STXBP5: variants seen among roughly 807,000 people sequenced by gnomAD.
STXBP5 encodes the protein syntaxin binding protein 5.
In STXBP5, 50 loss-of-function variants were observed where a neutral mutation model predicts 152.4. That is an observed-to-expected ratio of 0.33 (90% confidence interval 0.26 to 0.42). The LOEUF (loss-of-function observed/expected upper bound fraction) is 0.42. Ranked by LOEUF, STXBP5 falls within the 10% of genes least tolerant of loss-of-function variation. The pLI is 1.00. For missense variants in STXBP5, 1,167 were observed against 1,388.6 expected (o/e 0.84, Z 2.54); for synonymous variants, 492 against 494.7 (o/e 0.99, Z 0.07).
chr6:147,354,805 G>T (rs1784744353), intron 22 of STXBP5, among the ~76,000 whole-genome samples: 1 of 152,088 alleles, frequency 6.6e-6, no homozygotes, highest in Admixed American at 6.6e-5. Flanking sequence ...GCCCATGTAT[G>T]CCCTAAGCCA....
intron 2 of STXBP5, among the ~76,000 whole-genome samples, chr6:147,229,295 T>TA (rs1562423416): frequency 6.6e-6 from 1 of 152,070 alleles, no homozygotes; most frequent in East Asian, 1.9e-4. Context: ...GCCTTTTTTT[T>TA]ATTACCTATT....
chr6:147,327,202 T>G lies in STXBP5; in HGVS notation c.2006T>G (p.Ile669Ser), dbSNP rs201635755. 6.2e-7 allele frequency: 1 copy of G among 1,614,150 alleles called. No individual in the cohort carries two copies. Among genetic ancestry groups the G allele is most frequent in the East Asian group, 2.2e-5 (1 of 44,864 alleles). Residue 669 changes from isoleucine (I) to serine (S), a missense_variant, in exon 18 of 28, where the codon ATT (isoleucine) becomes AGT (serine). Ile to Ser is a moderately radical substitution (Grantham distance 142). Coordinates refer to ENST00000321680, the MANE Select transcript of STXBP5 (RefSeq NM_001127715.4). ...GCAGTGCTGCTCAACCTGGGCACTA[T>G]TGAATTATATGGCTCTAATGATCCT... The part of the protein sequence containing the change: ...QKAVLLNLGT[I>S]ELYGSNDPYR...
intron 22 of STXBP5, among the ~76,000 whole-genome samples, chr6:147,355,411 G>A (rs1484059275): frequency 3.9e-5 from 6 of 152,122 alleles, no homozygotes; most frequent in Non-Finnish European, 8.8e-5. Context: ...TGGCATGATT[G>A]TATCAGGTGC....
chr6:147,315,553 G>C lies in STXBP5; in HGVS notation c.1441G>C (p.Val481Leu). ...QVLYKLKTSK[V>L]FEKSRNKDDR... ...ATTATATAAGCTAAAGACATCTAAAGTATTTGAAAAGTCAAGAAATAAAGA... is the reference window on the plus strand; with the variant it reads ...ATTATATAAGCTAAAGACATCTAAACTATTTGAAAAGTCAAGAAATAAAGA... The change falls in exon 15 of 28, where the codon GTA becomes CTA. Residue 481 changes from valine (V) to leucine (L), a missense_variant. Physicochemically the swap from Val to Leu is conservative, Grantham distance 32. Around this residue, in one of 3 missense-constraint regions of STXBP5, gnomAD observed 833 missense variants for 986.3 expected, o/e 0.84. Coordinates refer to ENST00000321680, the MANE Select transcript of STXBP5 (RefSeq NM_001127715.4). The C allele has an allele frequency of 6.2e-7, 1 of 1,613,308 alleles. No individual in the cohort carries two copies. Among genetic ancestry groups the C allele is most frequent in the Non-Finnish European group, 8.5e-7 (1 of 1,179,528 alleles).
At chr6:147,369,261 A>T (rs1008564061) in intron 25 of STXBP5, among the ~76,000 whole-genome samples, 2 of 152,032 alleles carry the variant, frequency 1.3e-5, no homozygotes. Flanking sequence ...ACTATTGGAT[A>T]TTAAAATGCA....
rs1330033202 is a variant in STXBP5, at chr6:147,359,765, C to T, written c.2545+442C>T. Among the ~76,000 whole-genome samples, 4 of 151,868 alleles carry T rather than the reference C, an allele frequency of 2.6e-5. No individual in the cohort carries two copies. In the East Asian group the frequency reaches 7.8e-4, roughly 29 times the overall value. Reference sequence around the variant, plus strand: ...AGAGAATGATGATTTCCAATTTCATCCATGTCCCTACAAAGGACATGAACT... The same window carrying T: ...AGAGAATGATGATTTCCAATTTCATTCATGTCCCTACAAAGGACATGAACT... On this transcript the variant is annotated intron_variant, in intron 23 of 27. Coordinates refer to ENST00000321680, the MANE Select transcript of STXBP5 (RefSeq NM_001127715.4).
At chr6:147,329,777 T>C (rs1467551838) in intron 18 of STXBP5, among the ~76,000 whole-genome samples, 3 of 151,788 alleles carry the variant, frequency 2.0e-5, no homozygotes, top group African/African-American at 4.8e-5. Context: ...AGGCGCCCGC[T>C]ACCGCACCCG....
intron 21 of STXBP5, among the ~76,000 whole-genome samples, chr6:147,341,626 T>TA (rs952111301): frequency 3.3e-5 from 5 of 152,106 alleles, no homozygotes; most frequent in Non-Finnish European, 7.4e-5. Context: ...CCCTGAGTTT[T>TA]ACCTGTTCTT....
At chr6:147,357,746 G>C (rs1355066996) in intron 22 of STXBP5, among the ~76,000 whole-genome samples, 1 of 152,058 alleles carries the variant, frequency 6.6e-6, no homozygotes, top group Non-Finnish European at 1.5e-5. Context: ...CAAATGAAAA[G>C]GAGAAACCCA....
chr6:147,341,892 C>T (rs896771128), intron 21 of STXBP5, among the ~76,000 whole-genome samples: 1 of 152,002 alleles, frequency 6.6e-6, no homozygotes, highest in Non-Finnish European at 1.5e-5. Context: ...TAATTTTTCT[C>T]AATCCACACA....
chr6:147,219,800 T>G (rs1439663709), intron 2 of STXBP5, among the ~76,000 whole-genome samples: 1 of 47,088 alleles, frequency 2.1e-5, no homozygotes, highest in Non-Finnish European at 4.4e-5. Context: ...TAGAAGCTTG[T>G]TTTTTTTTTT....
At chr6:147,379,581 T>C (rs1785977969) in intron 26 of STXBP5, among the ~76,000 whole-genome samples, 1 of 152,166 alleles carries the variant, frequency 6.6e-6, no homozygotes. Flanking sequence ...ATTCTAAATT[T>C]TATATGCATA....
At chr6:147,269,677 A>T (rs1057350054) in intron 7 of STXBP5, among the ~76,000 whole-genome samples, 2 of 152,180 alleles carry the variant, frequency 1.3e-5, no homozygotes, top group East Asian at 3.9e-4. Flanking sequence ...CAAAAATCAC[A>T]CAAGTGGATT....
intron 7 of STXBP5, among the ~76,000 whole-genome samples, chr6:147,267,539 A>G (rs1779952372): frequency 6.6e-6 from 1 of 152,174 alleles, no homozygotes. Context: ...TGTGATTGAC[A>G]GATAAGTCTT....
intron 27 of STXBP5, among the ~76,000 whole-genome samples, chr6:147,384,428 G>A (rs139184902): frequency 5.1e-4 from 78 of 152,166 alleles, no homozygotes; most frequent in African/African-American, 1.8e-3. Context: ...TTAATTCATA[G>A]TACAAAATAA....
Position 147,363,262 on chromosome 6 carries a change from TCAA to T in STXBP5, c.2546-72_2546-70del. ...CATATATTTAAGTATCTACTGTATG[TCAA>T]AGTTAGAATAAACGTGTTTACTCTG... On this transcript the variant is annotated intron_variant, in intron 23 of 27. Transcript: ENST00000321680. 2.1e-6 allele frequency: 3 copies of T among 1,434,172 alleles called. No individual in the cohort carries two copies. In the South Asian group the frequency reaches 4.3e-5, roughly 20 times the overall value. 88.8% of individuals were successfully genotyped at this position (1,434,172 alleles called of 1,614,324 possible). A position where few individuals can be genotyped will look rare whatever the true frequency, so the allele number is the denominator to read the frequency against.
chr6:147,293,703 A>C (rs908510354), intron 9 of STXBP5, among the ~76,000 whole-genome samples: 4 of 152,194 alleles, frequency 2.6e-5, no homozygotes, highest in African/African-American at 9.6e-5. Flanking sequence ...AAAAATATGC[A>C]ACCTTAAAGA....
At chr6:147,356,207 G>C (rs1207658683) in intron 22 of STXBP5, among the ~76,000 whole-genome samples, 4 of 151,814 alleles carry the variant, frequency 2.6e-5, no homozygotes, top group Admixed American at 2.0e-4. Flanking sequence ...TTAAAATATA[G>C]GTTGTTGTGA....
intron 23 of STXBP5, among the ~76,000 whole-genome samples, chr6:147,360,807 AGAATTCTGAT>A (rs1785031844): frequency 6.6e-6 from 1 of 152,166 alleles, no homozygotes; most frequent in Non-Finnish European, 1.5e-5. Flanking sequence ...GAGATAACTG[AGAATTCTGAT>A]TTCTGTTACT....
Sources: gnomAD v4.1 joint callset for allele counts (sites outside exome capture counted in the v4.1 genomes callset) on GRCh38, gnomAD v4.1.1 for gene constraint, gnomAD v4.1.1 regional missense constraint, MANE v1.5 for transcripts, NCBI Gene and HGNC (gene_info 2026-07-23, HGNC 2026-07-21) for gene names.